The following PRMT3 variants were observed in gnomAD, a reference collection of about 807,000 sequenced individuals.
PRMT3 encodes the protein protein arginine N-methyltransferase 3.
In PRMT3, 62 loss-of-function variants were observed where a neutral mutation model predicts 71.9. The observed-to-expected ratio is 0.86, with a 90% confidence interval of 0.70 to 1.07. The LOEUF (loss-of-function observed/expected upper bound fraction) is 1.07, where lower values mean the gene tolerates loss of function less well. Ranked by LOEUF, PRMT3 falls within the 50% of genes least tolerant of loss-of-function variation. The pLI, the probability that PRMT3 is intolerant of heterozygous loss-of-function variation, is 0.00. For missense variants in PRMT3, 663 were observed against 643.0 expected (o/e 1.03, Z -0.34); for synonymous variants, 213 against 220.4 (o/e 0.97, Z 0.30).
intron 15 of PRMT3, among the ~76,000 whole-genome samples, chr11:20,505,887 C>T (rs766887043): frequency 4.0e-5 from 6 of 150,008 alleles, no homozygotes; most frequent in African/African-American, 7.3e-5. Flanking sequence ...ACAAAACCCA[C>T]GGGGCGGTAA....
intron 9 of PRMT3, among the ~76,000 whole-genome samples, chr11:20,425,913 C>G (rs1849535543): frequency 6.6e-6 from 1 of 152,156 alleles, no homozygotes; most frequent in Admixed American, 6.5e-5. Flanking sequence ...TTAAGGGGTA[C>G]AATTTCTTCT....
At chr11:20,402,150 G>A (rs7936372) in intron 7 of PRMT3, among the ~76,000 whole-genome samples, 9,044 of 151,476 alleles carry the variant, frequency 0.06, 907 homozygotes, top group African/African-American at 0.21. Context: ...CGGAATTTGC[G>A]CTCTTGTGGC....
chr11:20,497,185 G>A (rs904959564), intron 15 of PRMT3, among the ~76,000 whole-genome samples: 3 of 138,902 alleles, frequency 2.2e-5, no homozygotes, highest in Non-Finnish European at 4.7e-5. Flanking sequence ...ACTTCATTAC[G>A]AGAAAATATT....
At chr11:20,451,455 T>C (rs1418253556) in intron 10 of PRMT3, among the ~76,000 whole-genome samples, 1 of 152,084 alleles carries the variant, frequency 6.6e-6, no homozygotes, top group Non-Finnish European at 1.5e-5. Flanking sequence ...TGGCGTTTCT[T>C]AAACCTTTTT....
intron 13 of PRMT3, among the ~76,000 whole-genome samples, chr11:20,477,809 C>T (rs1033057848): frequency 2.8e-5 from 4 of 143,220 alleles, no homozygotes; most frequent in African/African-American, 5.1e-5. Context: ...GAAACCCCCC[C>T]CCCCCACTTC....
intron 13 of PRMT3, among the ~76,000 whole-genome samples, chr11:20,488,244 C>T (rs969325732): frequency 7.2e-5 from 11 of 152,090 alleles, no homozygotes; most frequent in African/African-American, 1.2e-4. Flanking sequence ...TCTTCTTAAA[C>T]GCCATTTATT....
intron 15 of PRMT3, among the ~76,000 whole-genome samples, chr11:20,506,533 G>T (rs1851595301): frequency 6.6e-6 from 1 of 151,904 alleles, no homozygotes; most frequent in Non-Finnish European, 1.5e-5. Flanking sequence ...ATCAGTAATG[G>T]AATCTTTATA....
At chr11:20,453,891 G>A (rs758810634) in intron 11 of PRMT3, among the ~76,000 whole-genome samples, 4 of 152,096 alleles carry the variant, frequency 2.6e-5, no homozygotes, top group Non-Finnish European at 5.9e-5. Context: ...CTGAAATGTC[G>A]CAGTGAGCAT....
rs898545055 is a variant in PRMT3, at chr11:20,444,277, G to A, written c.994-7853G>A. ...ATTACACTCTATTATAAACATGTAT[G>A]TATATTTCTTGGCATACTCATTCAT... On this transcript the variant is annotated intron_variant, in intron 10 of 15. Coordinates refer to ENST00000331079, the MANE Select transcript of PRMT3 (RefSeq NM_005788.4). 2.6e-5 allele frequency among the ~76,000 whole-genome samples: 4 copies of A among 152,234 alleles called. No individual in the cohort carries two copies. The South Asian group carries it at 8.3e-4, about 32-fold the overall frequency.
In PRMT3 at chr11:20,403,774, A is replaced by G. The variant is rs1342288954; in HGVS notation, c.771+790A>G. Among the ~76,000 whole-genome samples, 4 of 151,432 alleles carry G rather than the reference A, an allele frequency of 2.6e-5. No homozygotes were observed. The East Asian group carries it at 5.8e-4, about 22-fold the overall frequency. ...TACCTTTCCTTGGAAATTTTTTCCC[A>G]CTCTTTTTACTTTGAGAACATGTAT... On this transcript the variant is annotated intron_variant, in intron 8 of 15. Transcript: ENST00000331079.
At chr11:20,407,254 G>T (rs1191291493) in intron 8 of PRMT3, 17 of 151,998 alleles carry the variant, frequency 1.1e-4, no homozygotes, top group Admixed American at 8.5e-4. Flanking sequence ...ATTTTAATGA[G>T]AGTTTCTGGA....
chr11:20,467,948 C>T (rs952995987), intron 13 of PRMT3, among the ~76,000 whole-genome samples: 5 of 152,184 alleles, frequency 3.3e-5, no homozygotes, highest in East Asian at 1.9e-4. Context: ...TCCTACAGAC[C>T]TATCCATCTG....
intron 13 of PRMT3, among the ~76,000 whole-genome samples, chr11:20,480,641 A>G (rs775682054): frequency 2.6e-5 from 4 of 152,142 alleles, no homozygotes; most frequent in Non-Finnish European, 5.9e-5. Context: ...TGGGAGGCCA[A>G]TATGTAGGTT....
At chr11:20,427,478 A>G (rs1342396878) in intron 10 of PRMT3, among the ~76,000 whole-genome samples, 1 of 152,216 alleles carries the variant, frequency 6.6e-6, no homozygotes, top group African/African-American at 2.4e-5. Context: ...TAATCCCAGC[A>G]CTTTGGGAGG....
chr11:20,389,988 C>G (rs1168186950), intron 3 of PRMT3, among the ~76,000 whole-genome samples, 162 bp downstream of exon 3: 1 of 152,078 alleles, frequency 6.6e-6, no homozygotes, highest in South Asian at 2.1e-4. Flanking sequence ...CCCACCTGTA[C>G]TAAAATACAA....
chr11:20,492,995 A>G (rs1851244852), intron 13 of PRMT3, among the ~76,000 whole-genome samples: 1 of 152,182 alleles, frequency 6.6e-6, no homozygotes. Flanking sequence ...TACTAAAAAT[A>G]TAAAAGCCAG....
Position 20,392,264 on chromosome 11 carries a change from A to C in PRMT3, c.297+4A>C. 1 of 1,559,680 alleles carries C rather than the reference A, an allele frequency of 6.4e-7. No homozygotes were observed. The highest frequency in any genetic ancestry group is 8.7e-7 in the Non-Finnish European group (1 of 1,143,882). The stretch of plus-strand genomic sequence containing the variant: ...AATAAATTTTATTAGACTTAAGGTA[A>C]GTTGACAGCTTAATTTATAATTTCG... On this transcript the variant is annotated splice_donor_region_variant and intron_variant, in intron 4 of 15. Coordinates refer to ENST00000331079, the MANE Select transcript of PRMT3 (RefSeq NM_005788.4).
intron 9 of PRMT3, among the ~76,000 whole-genome samples, chr11:20,414,619 C>T (rs1565201990): frequency 6.6e-6 from 1 of 152,006 alleles, no homozygotes; most frequent in Non-Finnish European, 1.5e-5. Flanking sequence ...ATTCTGGGTG[C>T]CTTTGGTTTC....
intron 11 of PRMT3, among the ~76,000 whole-genome samples, chr11:20,459,141 A>G (rs1354662314): frequency 2.0e-5 from 3 of 152,240 alleles, no homozygotes; most frequent in Non-Finnish European, 2.9e-5. Flanking sequence ...AACTTTATAT[A>G]TTAATACAAA....
Sources: allele counts gnomAD v4.1 joint callset (sites outside exome capture counted in the v4.1 genomes callset), GRCh38; gene constraint gnomAD v4.1.1; transcripts MANE v1.5; gene names NCBI Gene and HGNC (gene_info 2026-07-23, HGNC 2026-07-21).